Variants in SUZ12 observed in about 807,000 individuals in gnomAD.
SUZ12 encodes the protein polycomb protein SUZ12.
Under a neutral mutation model 87.3 loss-of-function variants are expected in SUZ12, and 17 were observed. The ratio of observed to expected loss-of-function variants is 0.19; its 90% CI spans 0.13 to 0.29. The LOEUF (loss-of-function observed/expected upper bound fraction) is 0.29. SUZ12 is among the 10% of genes least tolerant of loss of function. The pLI, the probability that SUZ12 is intolerant of heterozygous loss-of-function variation, is 1.00. For synonymous variants in SUZ12, 253 were observed against 312.4 expected, an observed-to-expected ratio of 0.81 and a Z score of 2.01; for missense variants, 526 against 912.2, an observed-to-expected ratio of 0.58 and a Z score of 5.45.
chr17:31,967,510 TCG>T, intron 5 of SUZ12: 1 of 151,606 alleles, frequency 6.6e-6, no homozygotes, highest in Non-Finnish European at 1.5e-5. Context: ...TAGCTGGGTG[TCG>T]TGGTGCACAC....
intron 9 of SUZ12, among the ~76,000 whole-genome samples, chr17:31,987,324 AT>A (rs1410149682): frequency 6.6e-6 from 1 of 152,248 alleles, no homozygotes; most frequent in African/African-American, 2.4e-5. Flanking sequence ...CCAAGAGGCA[AT>A]TGGAGATACG....
chr17:31,937,571 G>C, intron 1 of SUZ12, 51 bp downstream of exon 1: 1 of 1,526,768 alleles, frequency 6.5e-7, no homozygotes, highest in South Asian at 1.2e-5. Flanking sequence ...TGCCAACACC[G>C]GGGATGGGAC....
chr17:31,951,859 C>T (rs530072195), intron 4 of SUZ12, among the ~76,000 whole-genome samples: 1 of 150,468 alleles, frequency 6.6e-6, no homozygotes, highest in African/African-American at 2.5e-5. Context: ...ACTGCAACCT[C>T]TGTCCCCCAG....
At chr17:31,957,076 T>A (rs1907390503) in intron 4 of SUZ12, among the ~76,000 whole-genome samples, 1 of 152,090 alleles carries the variant, frequency 6.6e-6, no homozygotes. Context: ...TGCCTGGCCT[T>A]ATTTTATTAC....
chr17:31,964,315 G>A (rs1290764033), intron 4 of SUZ12, among the ~76,000 whole-genome samples: 5 of 151,928 alleles, frequency 3.3e-5, no homozygotes, highest in Non-Finnish European at 5.9e-5. Flanking sequence ...GTGAGCCACC[G>A]CACCCAGCCC....
chr17:31,965,907 C>G, intron 4 of SUZ12: 1 of 344,522 alleles, frequency 2.9e-6, no homozygotes, highest in Non-Finnish European at 5.3e-6. Flanking sequence ...TGGTTTTGTT[C>G]TTACTTTTTG....
intron 4 of SUZ12, among the ~76,000 whole-genome samples, chr17:31,960,685 C>A (rs1907653636): frequency 6.6e-6 from 1 of 152,146 alleles, no homozygotes; most frequent in Non-Finnish European, 1.5e-5. Flanking sequence ...TCAAGCTGTT[C>A]TTCTGCTTCA....
At chr17:31,955,305 A>C (rs1262410038) in intron 4 of SUZ12, among the ~76,000 whole-genome samples, 3 of 152,080 alleles carry the variant, frequency 2.0e-5, no homozygotes, top group Non-Finnish European at 2.9e-5. Flanking sequence ...TTTAGGAGAC[A>C]GGGTCTCACT....
chr17:31,955,705 G>A (rs1299693272), intron 4 of SUZ12, among the ~76,000 whole-genome samples: 7 of 151,742 alleles, frequency 4.6e-5, no homozygotes, highest in South Asian at 2.1e-4. Context: ...GAGAGATCGC[G>A]CCATTGCACT....
chr17:31,993,035 C>T (rs1353599207), intron 10 of SUZ12, among the ~76,000 whole-genome samples: 1 of 152,160 alleles, frequency 6.6e-6, no homozygotes, highest in Non-Finnish European at 1.5e-5. Context: ...AAAATAAGTC[C>T]TGCCAATAGA....
intron 4 of SUZ12, among the ~76,000 whole-genome samples, chr17:31,954,113 A>G (rs1370587290): frequency 6.6e-6 from 1 of 151,986 alleles, no homozygotes; most frequent in Non-Finnish European, 1.5e-5. Context: ...CCCAGGCAAG[A>G]GTGCAGTGGT....
chr17:31,999,320 A>T lies in SUZ12; in HGVS notation c.*317A>T, dbSNP rs1910142960. On this transcript the variant is annotated 3_prime_UTR_variant, in exon 16 of 16. Transcript: ENST00000322652. ...CTAGAAATTATTTCATATATAAATC[A>T]GAATTTTTTTGCATTTATGAACGGC... 1 of 242,572 alleles carries T rather than the reference A, an allele frequency of 4.1e-6. No individual in the cohort carries two copies. Among genetic ancestry groups the T allele is most frequent in the Non-Finnish European group, 8.0e-6 (1 of 125,424 alleles). 15.0% of individuals were successfully genotyped at this position (242,572 alleles called of 1,614,324 possible). A position where few individuals can be genotyped will look rare whatever the true frequency, so the allele number is the denominator to read the frequency against.
intron 4 of SUZ12, 106 bp from the exon 5 acceptor site, chr17:31,966,041 A>G: frequency 1.0e-6 from 1 of 978,916 alleles, no homozygotes; most frequent in Non-Finnish European, 1.5e-6. Context: ...ACAAATATTT[A>G]TAAATTGGTT....
At chr17:31,961,301 C>T (rs1907697002) in intron 4 of SUZ12, among the ~76,000 whole-genome samples, 1 of 152,098 alleles carries the variant, frequency 6.6e-6, no homozygotes. Context: ...GTAATCTCAG[C>T]ACTGGGAGGC....
In SUZ12 at chr17:31,937,022, T is replaced by C. The variant is rs966099860; in HGVS notation, c.-225T>C. 26 of 380,848 alleles carry C rather than the reference T, an allele frequency of 6.8e-5. No homozygotes were observed. Among genetic ancestry groups the C allele is most frequent in the Non-Finnish European group, 1.1e-4 (24 of 218,980 alleles). 23.6% of individuals were successfully genotyped at this position (380,848 alleles called of 1,614,324 possible). On this transcript the variant is annotated 5_prime_UTR_variant, in exon 1 of 16. Transcript: ENST00000322652. ...GGAAGTGGGCGGAGCGAGGCCAGGG[T>C]AGGGTGAGCGGCCTCCGAAGCGGAG...
At position 31,954,540 on chromosome 17, in the gene SUZ12, G is replaced by T. The variant is rs182569238; in HGVS notation, c.455+6855G>T. 1.3e-3 allele frequency among the ~76,000 whole-genome samples: 199 copies of T among 152,158 alleles called. 2 individuals carry two copies. The highest frequency in any genetic ancestry group is 4.5e-3 in the African/African-American group (185 of 41,498). ...ATACTAAGCCCTCGGGTATATAAGG[G>T]TGAACAAAATGGATGAAGGCCCTGC... On this transcript the variant is annotated intron_variant, in intron 4 of 15. Transcript: ENST00000322652.
intron 10 of SUZ12, among the ~76,000 whole-genome samples, chr17:31,990,855 C>T (rs1016755567): frequency 5.3e-5 from 8 of 152,096 alleles, no homozygotes; most frequent in Non-Finnish European, 1.2e-4. Context: ...TCAAGCGATC[C>T]TCCCACCTTA....
At chr17:31,990,148 G>GTTT (rs1567836883) in intron 10 of SUZ12, among the ~76,000 whole-genome samples, 4 of 127,036 alleles carry the variant, frequency 3.1e-5, no homozygotes, top group South Asian at 5.0e-4. Flanking sequence ...TTTTTTTTTG[G>GTTT]ATTTTTAGTA....
At chr17:31,964,695 C>T (rs1423372455) in intron 4 of SUZ12, among the ~76,000 whole-genome samples, 14 of 152,200 alleles carry the variant, frequency 9.2e-5, no homozygotes, top group Admixed American at 9.2e-4. Context: ...TGAAGCACTG[C>T]ACCCGGCCCA....
Sources: gnomAD v4.1 joint callset for allele counts (sites outside exome capture counted in the v4.1 genomes callset) on GRCh38, gnomAD v4.1.1 for gene constraint, MANE v1.5 for transcripts, NCBI Gene and HGNC (gene_info 2026-07-23, HGNC 2026-07-21) for gene names.